PRKDC: variants seen among roughly 807,000 people sequenced by gnomAD.
PRKDC encodes protein kinase, DNA-activated, catalytic subunit, also known as DNA-dependent protein kinase catalytic subunit.
Under a neutral mutation model 486.9 loss-of-function variants are expected in PRKDC, and 82 were observed. The ratio of observed to expected loss-of-function variants is 0.17; its 90% confidence interval spans 0.14 to 0.20. PRKDC has a LOEUF of 0.20. Ranked by LOEUF, PRKDC falls within the 10% of genes least tolerant of loss-of-function variation. The pLI is 1.00. For synonymous variants in PRKDC, 1,895 were observed against 1,837.0 expected (o/e 1.03, Z -0.81); for missense variants, 4,504 against 5,038.2 (o/e 0.89, Z 3.21).
At chr8:47,831,987 C>T in intron 59 of PRKDC, 61 bp from the exon 60 acceptor site, 2 of 1,454,598 alleles carry the variant, frequency 1.4e-6, no homozygotes, top group Non-Finnish European at 1.9e-6. Flanking sequence ...TCTGCTGGTT[C>T]ATTTTCACCT....
chr8:47,777,602 C>T (rs2086627996), intron 84 of PRKDC, 84 bp downstream of exon 84: 1 of 1,275,334 alleles, frequency 7.8e-7, no homozygotes, highest in Non-Finnish European at 1.1e-6. Flanking sequence ...TGACTCAATG[C>T]ACTTCCATCA....
chr8:47,779,425 A>T (rs2086662188), intron 80 of PRKDC: 1 of 187,988 alleles, frequency 5.3e-6, no homozygotes, highest in Non-Finnish European at 1.1e-5. Flanking sequence ...CAGGCATGCA[A>T]TTCTGAAACT....
chr8:47,817,710 A>G, intron 67 of PRKDC, 149 bp from the exon 68 acceptor site: 1 of 557,774 alleles, frequency 1.8e-6, no homozygotes, highest in East Asian at 2.8e-5. Flanking sequence ...AAGTTACCAT[A>G]CTAAATTTAA....
rs998615624 is a variant in PRKDC, at chr8:47,790,851, G to A, written c.10671-1613C>T. On this transcript the variant is annotated intron_variant, in intron 74 of 85. Coordinates refer to ENST00000314191, the MANE Select transcript of PRKDC (RefSeq NM_006904.7). ...CAATAAATGGTCCTGGGAAAACTGG[G>A]TATCCATATGCAGAATAATGAAACT... Among the ~76,000 whole-genome samples the A allele has an allele frequency of 6.6e-5, 10 of 152,166 alleles. 1 individual carries two copies. In the South Asian group the frequency reaches 1.9e-3, roughly 28 times the overall value.
chr8:47,798,606 T>C (rs1306842967), intron 72 of PRKDC, among the ~76,000 whole-genome samples: 1 of 152,086 alleles, frequency 6.6e-6, no homozygotes, highest in Non-Finnish European at 1.5e-5. Context: ...CCATTCTGCA[T>C]GAAGCACAGT....
chr8:47,819,833 A>G (rs778455672), intron 66 of PRKDC, among the ~76,000 whole-genome samples: 1 of 152,362 alleles, frequency 6.6e-6, no homozygotes, highest in Non-Finnish European at 1.5e-5. Context: ...ACAGAAGCCA[A>G]TTCTTTTTTT....
chr8:47,918,458 T>G, intron 21 of PRKDC, 75 bp from the exon 22 acceptor site: 1 of 782,722 alleles, frequency 1.3e-6, no homozygotes, highest in Admixed American at 3.8e-5. Flanking sequence ...GGCAACAAAC[T>G]ATATTGTCAA....
rs4873672 is a variant in PRKDC at position 47,781,960 on chromosome 8, A to C, written c.11489+202T>G. On this transcript the variant is annotated intron_variant, in intron 80 of 85. Transcript: ENST00000314191. Reference sequence around the variant, plus strand: ...AACAATTTTTCTTCCCCCCACCCAAAGTTAATAAATATTTTGTATTACGGT... The same window carrying C: ...AACAATTTTTCTTCCCCCCACCCAACGTTAATAAATATTTTGTATTACGGT... Among the ~76,000 whole-genome samples, 3,076 of 152,354 alleles carry C rather than the reference A, an allele frequency of 0.02. 244 individuals are homozygous for C. The highest frequency in any genetic ancestry group is 0.14 in the Admixed American group (2,171 of 15,300).
In PRKDC at chr8:47,859,183, A is replaced by G. The variant is rs8178144; in HGVS notation, c.6208-197T>C. On this transcript the variant is annotated intron_variant, in intron 46 of 85. Coordinates refer to ENST00000314191, the MANE Select transcript of PRKDC (RefSeq NM_006904.7). ...GATTTCATGTCTTCCTTGCATCCCA[A>G]GTACATAGTCCCCGTCCCGTCTGCC... 2.4e-3 allele frequency among the ~76,000 whole-genome samples: 373 copies of G among 152,336 alleles called. 2 individuals are homozygous for G. Among genetic ancestry groups the G allele is most frequent in the African/African-American group, 8.8e-3 (364 of 41,582 alleles).
chr8:47,824,827 T>A (rs543449983), intron 63 of PRKDC, among the ~76,000 whole-genome samples: 1 of 152,342 alleles, frequency 6.6e-6, no homozygotes, highest in East Asian at 1.9e-4. Flanking sequence ...TCTTTCCATC[T>A]TGCAGTCTCA....
chr8:47,807,083 G>C (rs763794764), intron 69 of PRKDC, 54 bp downstream of exon 69: 351 of 1,521,508 alleles, frequency 2.3e-4, no homozygotes, highest in Non-Finnish European at 3.1e-4. Flanking sequence ...TTAGAGAAAA[G>C]CTAATTTAGC....
chr8:47,807,569 C>A (rs982483917), intron 68 of PRKDC, among the ~76,000 whole-genome samples: 2 of 151,280 alleles, frequency 1.3e-5, no homozygotes, highest in African/African-American at 4.9e-5. Flanking sequence ...CAGGCGCCTG[C>A]CACTACACCC....
rs1402100326 is a variant in PRKDC, at chr8:47,857,314, A to C, written c.6466-15T>G. The C allele has an allele frequency of 3.1e-6, 5 of 1,596,822 alleles. No homozygotes were observed. Among genetic ancestry groups the C allele is most frequent in the Non-Finnish European group, 4.3e-6 (5 of 1,173,240 alleles). ...GGGCGAAAGACCTACAAGAGGATGT[A>C]AAAGTCAAACATCAAAGAATGGTCT... On this transcript the variant is annotated splice_polypyrimidine_tract_variant and intron_variant, in intron 48 of 85. Coordinates refer to ENST00000314191, the MANE Select transcript of PRKDC (RefSeq NM_006904.7).
chr8:47,803,779 G>A (rs960374384), intron 69 of PRKDC, among the ~76,000 whole-genome samples: 7 of 152,038 alleles, frequency 4.6e-5, no homozygotes, highest in African/African-American at 9.7e-5. Flanking sequence ...GTAAGACCCC[G>A]TCTCTAAAAA....
chr8:47,885,871 G>C, intron 36 of PRKDC, 73 bp downstream of exon 36: 2 of 1,455,754 alleles, frequency 1.4e-6, no homozygotes, highest in East Asian at 4.6e-5. Flanking sequence ...CAGCCTGGGC[G>C]AAAGTGCAAG....
At position 47,807,333 on chromosome 8, in the gene PRKDC, A is replaced by C; in HGVS notation, c.9558-7T>G. 1.3e-6 allele frequency: 2 copies of C among 1,529,536 alleles called. No individual in the cohort carries two copies. Among genetic ancestry groups the C allele is most frequent in the Non-Finnish European group, 1.8e-6 (2 of 1,136,988 alleles). The allele number at this position is 1,529,536 out of a possible 1,614,324, so 94.7% of individuals were successfully genotyped here. ...TTTGCTGAGAAAGAAACATCTACAC[A>C]AAGAAAAATGAGACAATGTCACAGA... On this transcript the variant is annotated splice_polypyrimidine_tract_variant and splice_region_variant and intron_variant, in intron 68 of 85. Coordinates refer to ENST00000314191, the MANE Select transcript of PRKDC (RefSeq NM_006904.7).
At chr8:47,951,484 G>A (rs930824466) in intron 7 of PRKDC, among the ~76,000 whole-genome samples, 1 of 152,184 alleles carries the variant, frequency 6.6e-6, no homozygotes, top group Admixed American at 6.5e-5. Context: ...AGTACTCTGG[G>A]GAGCCAAGGC....
chr8:47,927,984 T>C (rs1316787706), intron 19 of PRKDC, 94 bp from the exon 20 acceptor site: 2 of 1,179,538 alleles, frequency 1.7e-6, no homozygotes, highest in East Asian at 3.1e-5. Flanking sequence ...AATACAAAAA[T>C]TGGCACGTAG....
intron 64 of PRKDC, among the ~76,000 whole-genome samples, chr8:47,822,288 A>AG (rs1448963082): frequency 2.7e-5 from 4 of 150,276 alleles, no homozygotes; most frequent in Non-Finnish European, 5.9e-5. Flanking sequence ...GTTTTAAGAG[A>AG]GAAAAAAAAA....
Sources: gnomAD v4.1 joint callset for allele counts (sites outside exome capture counted in the v4.1 genomes callset) on GRCh38, gnomAD v4.1.1 for gene constraint, MANE v1.5 for transcripts, NCBI Gene and HGNC (gene_info 2026-07-23, HGNC 2026-07-21) for gene names.